BCAS1: variants seen among roughly 807,000 people sequenced by gnomAD.
The protein encoded by BCAS1 is breast carcinoma-amplified sequence 1.
Under a neutral mutation model 65.4 loss-of-function variants are expected in BCAS1, and 46 were observed. The ratio of observed to expected loss-of-function variants is 0.70; its 90% CI spans 0.55 to 0.90. The LOEUF is 0.90. Ranked by LOEUF, BCAS1 falls within the 40% of genes least tolerant of loss-of-function variation. The pLI, the probability that BCAS1 is intolerant of heterozygous loss-of-function variation, is 0.00. For missense variants in BCAS1, 793 were observed against 771.2 expected (o/e 1.03, Z -0.33); for synonymous variants, 298 against 293.5 (o/e 1.02, Z -0.16).
At chr20:54,003,657 A>G (rs1296350367) in intron 4 of BCAS1, among the ~76,000 whole-genome samples, 2 of 152,154 alleles carry the variant, frequency 1.3e-5, no homozygotes, top group African/African-American at 2.4e-5. Flanking sequence ...ACAATAATAC[A>G]CATATTCTAC....
At position 54,058,417 on chromosome 20, in the gene BCAS1, G is replaced by A. The variant is rs562139968; in HGVS notation, c.72+230C>T. On this transcript the variant is annotated intron_variant, in intron 2 of 12. Transcript: ENST00000688948. ...CACTCACAGGAAGCTCTGACCCGTC[G>A]CACGGAGGGGACCCCAGGCTCAAAT... Among the ~76,000 whole-genome samples the A allele has an allele frequency of 4.6e-5, 7 of 152,062 alleles. No homozygotes were observed. In the South Asian group the frequency reaches 1.5e-3, roughly 32 times the overall value.
chr20:54,028,693 G>T lies in BCAS1; in HGVS notation c.422C>A (p.Pro141Gln), dbSNP rs1419649430. The T allele has an allele frequency of 6.2e-7, 1 of 1,614,024 alleles. No homozygotes were observed. The highest frequency in any genetic ancestry group is 8.5e-7 in the Non-Finnish European group (1 of 1,180,032). The change falls in exon 4 of 13, where the codon CCG (proline) becomes CAG (glutamine). Residue 141 changes from proline to glutamine, a missense_variant. Coordinates refer to ENST00000688948, the MANE Select transcript of BCAS1 (RefSeq NM_001366298.2). ...GTCCTGCCCCGGTCCAGCTGCCACC[G>T]GAAGTGTCCAGCTCTCACTTGGGTC... ...NKDPSESWTLPVAAGPGQDTD... is the reference protein window; with the variant it reads ...NKDPSESWTLQVAAGPGQDTD...
At chr20:53,961,293 A>G (rs2089870633) in intron 10 of BCAS1, among the ~76,000 whole-genome samples, 1 of 152,238 alleles carries the variant, frequency 6.6e-6, no homozygotes, top group African/African-American at 2.4e-5. Context: ...TAAAAGAAAA[A>G]GAATTGGGCT....
chr20:54,030,742 C>T (rs528084069), intron 3 of BCAS1, among the ~76,000 whole-genome samples: 1 of 151,454 alleles, frequency 6.6e-6, no homozygotes, highest in Admixed American at 6.6e-5. Flanking sequence ...AAGAAATGGT[C>T]TGGGGCAAGC....
Position 54,058,086 on chromosome 20 carries a change from T to C in BCAS1, c.141A>G (p.Glu47=). Residue 47 remains glutamate (E), a splice_region_variant and synonymous_variant, in exon 3 of 13, where the codon GAA becomes GAG. Coordinates refer to ENST00000688948, the MANE Select transcript of BCAS1 (RefSeq NM_001366298.2). ...TGCCCTTCCCAGAGTAGCACTGACC[T>C]TCCTCTAAGTGCTGAACTGTGTGGG... The part of the protein sequence containing the change: ...VSTHTVQHLE[E]VDLGISVKTD... The C allele has an allele frequency of 6.2e-7, 1 of 1,613,066 alleles. No homozygotes were observed. Among genetic ancestry groups the C allele is most frequent in the Non-Finnish European group, 8.5e-7 (1 of 1,179,474 alleles).
chr20:53,947,430 C>A lies in BCAS1; in HGVS notation c.1816-2434G>T, dbSNP rs369050003. The stretch of plus-strand genomic sequence containing the variant: ...AGATGACCAGGACACCGTGAAATAC[C>A]AAAAGCTTGGGCTCAGGAGTCAGCT... On this transcript the variant is annotated intron_variant, in intron 12 of 12. Coordinates refer to ENST00000688948, the MANE Select transcript of BCAS1 (RefSeq NM_001366298.2). Among the ~76,000 whole-genome samples, 4 of 152,250 alleles carry A rather than the reference C, an allele frequency of 2.6e-5. No homozygotes were observed. The East Asian group carries it at 7.7e-4, about 29-fold the overall frequency.
At chr20:54,024,264 C>A (rs1465983334) in intron 4 of BCAS1, among the ~76,000 whole-genome samples, 8 of 152,264 alleles carry the variant, frequency 5.3e-5, no homozygotes, top group Non-Finnish European at 7.4e-5. Flanking sequence ...CTCTGGAGAC[C>A]TTAGTTCTTT....
chr20:53,966,835 G>T, intron 10 of BCAS1, 71 bp downstream of exon 10: 4 of 1,404,834 alleles, frequency 2.8e-6, no homozygotes, highest in Non-Finnish European at 3.9e-6. Flanking sequence ...ACTACCTGTG[G>T]CATGAGCCCA....
At chr20:54,045,377 G>T (rs1397561600) in intron 3 of BCAS1, among the ~76,000 whole-genome samples, 1 of 152,056 alleles carries the variant, frequency 6.6e-6, no homozygotes, top group Admixed American at 6.6e-5. Flanking sequence ...ATGAATTAAA[G>T]TTATACCAGT....
rs766000480 is a variant in BCAS1 at position 53,957,528 on chromosome 20, C to T, written c.1486-31G>A. On this transcript the variant is annotated intron_variant, in intron 10 of 12. Coordinates refer to ENST00000688948, the MANE Select transcript of BCAS1 (RefSeq NM_001366298.2). The stretch of plus-strand genomic sequence containing the variant: ...ATAACAAACAGACAATGGCCTTCAG[C>T]CACAAGTACAGTGACGTGGAGAATG... 6 of 1,591,044 alleles carry T rather than the reference C, an allele frequency of 3.8e-6. No individual in the cohort carries two copies. The African/African-American group carries it at 8.1e-5, about 21-fold the overall frequency.
At chr20:54,042,215 C>G (rs546262135) in intron 3 of BCAS1, among the ~76,000 whole-genome samples, 1 of 151,958 alleles carries the variant, frequency 6.6e-6, no homozygotes. Context: ...CACAGGGACA[C>G]AAAGAGGGGA....
intron 4 of BCAS1, among the ~76,000 whole-genome samples, chr20:54,013,250 AAATT>A (rs1373455935): frequency 6.6e-6 from 1 of 152,132 alleles, no homozygotes. Context: ...ATCTGGAAAA[AAATT>A]AACTTGGTGT....
intron 8 of BCAS1, among the ~76,000 whole-genome samples, chr20:53,981,638 G>A (rs1159480101): frequency 6.6e-6 from 1 of 150,800 alleles, no homozygotes. Context: ...AAGAGTTTAA[G>A]TGCTCCACTA....
chr20:54,032,795 C>G (rs889649336), intron 3 of BCAS1, among the ~76,000 whole-genome samples: 1 of 151,112 alleles, frequency 6.6e-6, no homozygotes, highest in African/African-American at 2.4e-5. Flanking sequence ...TATATATGCA[C>G]CAAACACAGG....
At chr20:53,958,584 C>G (rs117820137) in intron 10 of BCAS1, among the ~76,000 whole-genome samples, 1,711 of 152,308 alleles carry the variant, frequency 0.011, 16 homozygotes, top group Non-Finnish European at 0.017. Context: ...TACTTTTTGA[C>G]TGATTAATAT....
chr20:53,972,020 G>A (rs1390859748), intron 9 of BCAS1, among the ~76,000 whole-genome samples: 2 of 152,154 alleles, frequency 1.3e-5, no homozygotes, highest in African/African-American at 4.8e-5. Flanking sequence ...TTCTTTCTGT[G>A]AGAAACTTTG....
At chr20:53,987,304 C>G (rs1352140969) in intron 7 of BCAS1, among the ~76,000 whole-genome samples, 1 of 152,162 alleles carries the variant, frequency 6.6e-6, no homozygotes, top group Non-Finnish European at 1.5e-5. Flanking sequence ...TAAAAGTATA[C>G]AAAATGGCAA....
chr20:54,036,948 C>T (rs290463), intron 3 of BCAS1, among the ~76,000 whole-genome samples: 3 of 150,764 alleles, frequency 2.0e-5, no homozygotes, highest in African/African-American at 7.3e-5. Flanking sequence ...CAAATATTCT[C>T]GTCAAAACAA....
intron 1 of BCAS1, among the ~76,000 whole-genome samples, chr20:54,065,662 T>C (rs537221504): frequency 3.3e-5 from 5 of 152,326 alleles, no homozygotes; most frequent in African/African-American, 1.2e-4. Flanking sequence ...AGGTGTCACC[T>C]AGGGATCTGC....
Sources: allele counts gnomAD v4.1 joint callset (sites outside exome capture counted in the v4.1 genomes callset), GRCh38; gene constraint gnomAD v4.1.1; transcripts MANE v1.5; gene names NCBI Gene and HGNC (gene_info 2026-07-23, HGNC 2026-07-21).